Variants in CDH18 observed in about 807,000 individuals in gnomAD.
CDH18 encodes cadherin-18.
CDH18 carries 31 observed loss-of-function variants against 67.9 expected under a neutral mutation model. The ratio of observed to expected loss-of-function variants is 0.46; its 90% CI spans 0.34 to 0.62. The LOEUF is 0.62. CDH18 is among the 20% of genes least tolerant of loss of function. CDH18 has a pLI of 0.01. For missense variants in CDH18, 890 were observed against 975.5 expected (o/e 0.91, Z 1.17); for synonymous variants, 362 against 347.2 (o/e 1.04, Z -0.48).
At chr5:20,181,955 C>A (rs540107028) in intron 2 of CDH18, among the ~76,000 whole-genome samples, 10 of 152,158 alleles carry the variant, frequency 6.6e-5, no homozygotes, top group African/African-American at 2.4e-4. Flanking sequence ...TCAAACTGCA[C>A]TTTTATATAA....
intron 9 of CDH18, among the ~76,000 whole-genome samples, chr5:19,540,465 C>G (rs1034586395): frequency 6.6e-6 from 1 of 152,144 alleles, no homozygotes; most frequent in South Asian, 2.1e-4. Flanking sequence ...AGTGGAAACT[C>G]TGTGTGGGGG....
chr5:20,078,399 G>A (rs1175189991), intron 2 of CDH18, among the ~76,000 whole-genome samples: 4 of 151,912 alleles, frequency 2.6e-5, no homozygotes, highest in South Asian at 2.1e-4. Flanking sequence ...GGTGGTAAAG[G>A]TTGCAGTAAG....
intron 1 of CDH18, among the ~76,000 whole-genome samples, chr5:20,450,469 T>G (rs1023417691): frequency 2.0e-5 from 3 of 152,214 alleles, no homozygotes; most frequent in African/African-American, 7.2e-5. Flanking sequence ...ATCTTTATAT[T>G]AATTCCTTTA....
At chr5:19,849,555 C>T (rs890367781) in intron 2 of CDH18, among the ~76,000 whole-genome samples, 1 of 149,814 alleles carries the variant, frequency 6.7e-6, no homozygotes, top group African/African-American at 2.5e-5. Flanking sequence ...TATTTATGTA[C>T]CAATGAAGTA....
intron 2 of CDH18, among the ~76,000 whole-genome samples, chr5:19,924,223 T>C (rs1792836137): frequency 1.3e-5 from 2 of 152,296 alleles, no homozygotes; most frequent in African/African-American, 4.8e-5. Context: ...GGCACAGAAA[T>C]CCTGTCTCTA....
intron 2 of CDH18, among the ~76,000 whole-genome samples, chr5:19,909,122 T>G (rs539709717): frequency 6.6e-6 from 1 of 152,222 alleles, no homozygotes; most frequent in African/African-American, 2.4e-5. Context: ...TTCTGCATTT[T>G]CTACATTTAT....
chr5:19,762,624 A>G (rs1315292264), intron 3 of CDH18, among the ~76,000 whole-genome samples: 4 of 152,172 alleles, frequency 2.6e-5, no homozygotes. Flanking sequence ...ATGTGGAGAA[A>G]TAGGAATGCT....
chr5:20,353,091 T>A (rs866037267), intron 1 of CDH18, among the ~76,000 whole-genome samples: 25 of 152,182 alleles, frequency 1.6e-4, no homozygotes, highest in African/African-American at 6.0e-4. Flanking sequence ...GAAGGTTATA[T>A]ACAACAGTAC....
At chr5:20,406,331 A>G (rs1335286487) in intron 1 of CDH18, among the ~76,000 whole-genome samples, 2 of 152,036 alleles carry the variant, frequency 1.3e-5, no homozygotes, top group Non-Finnish European at 2.9e-5. Context: ...ACTATCGCAA[A>G]GACAAAAAAC....
At chr5:20,057,123 T>C (rs1195751699) in intron 2 of CDH18, among the ~76,000 whole-genome samples, 2 of 152,214 alleles carry the variant, frequency 1.3e-5, no homozygotes, top group African/African-American at 4.8e-5. Context: ...GTCTTGTTAA[T>C]AGCTCTATTC....
intron 2 of CDH18, among the ~76,000 whole-genome samples, chr5:19,920,660 C>T (rs375269250): frequency 6.6e-6 from 1 of 151,608 alleles, no homozygotes; most frequent in Non-Finnish European, 1.5e-5. Flanking sequence ...ATTACAGATG[C>T]CCGCCATCAT....
At chr5:20,385,906 A>G (rs2150107632) in intron 1 of CDH18, among the ~76,000 whole-genome samples, 1 of 152,344 alleles carries the variant, frequency 6.6e-6, no homozygotes, top group East Asian at 1.9e-4. Context: ...TGATAAAGAC[A>G]TATTCTTATT....
intron 9 of CDH18, among the ~76,000 whole-genome samples, chr5:19,532,485 G>A (rs1748786715): frequency 2.0e-5 from 3 of 152,210 alleles, no homozygotes; most frequent in African/African-American, 7.2e-5. Context: ...CAAGATATTT[G>A]TATATGTGTG....
At chr5:20,518,915 G>C (rs1209742096) in intron 1 of CDH18, among the ~76,000 whole-genome samples, 2 of 152,142 alleles carry the variant, frequency 1.3e-5, no homozygotes, top group Non-Finnish European at 2.9e-5. Flanking sequence ...ACCAAGTGAA[G>C]TTTTACAACA....
chr5:19,600,164 A>AC (rs1249640164), intron 6 of CDH18, among the ~76,000 whole-genome samples: 1 of 138,978 alleles, frequency 7.2e-6, no homozygotes, highest in Non-Finnish European at 1.6e-5. Flanking sequence ...GAACACTTGG[A>AC]CACAGGAAGG....
At chr5:19,556,203 C>T (rs1195200154) in intron 8 of CDH18, among the ~76,000 whole-genome samples, 1 of 152,026 alleles carries the variant, frequency 6.6e-6, no homozygotes, top group Admixed American at 6.6e-5. Flanking sequence ...GATAACATGG[C>T]AAAATAAGGT....
At chr5:20,427,652 T>C (rs1748405563) in intron 1 of CDH18, among the ~76,000 whole-genome samples, 1 of 151,232 alleles carries the variant, frequency 6.6e-6, no homozygotes, top group Non-Finnish European at 1.5e-5. Context: ...GACATTGGTC[T>C]AAATTGCAAT....
intron 1 of CDH18, among the ~76,000 whole-genome samples, chr5:20,347,038 T>C (rs1414206598): frequency 6.6e-6 from 1 of 152,154 alleles, no homozygotes; most frequent in Non-Finnish European, 1.5e-5. Context: ...GAGCCAACCA[T>C]CTACTTTGTA....
chr5:20,557,682 A>T (rs562187998), intron 1 of CDH18, among the ~76,000 whole-genome samples: 1 of 152,236 alleles, frequency 6.6e-6, no homozygotes, highest in Admixed American at 6.6e-5. Context: ...GAAGGTTCAC[A>T]TAAAGATGGT....
Sources: gnomAD v4.1 joint callset for allele counts (sites outside exome capture counted in the v4.1 genomes callset) on GRCh38, gnomAD v4.1.1 for gene constraint, MANE v1.5 for transcripts, NCBI Gene and HGNC (gene_info 2026-07-23, HGNC 2026-07-21) for gene names.